The following CD302 variants were observed in gnomAD, a reference collection of about 807,000 sequenced individuals.
CD302 encodes CD302 molecule, also known as CD302 antigen.
A neutral mutation model predicts 26.5 loss-of-function variants in CD302; 23 were observed. The observed-to-expected ratio is 0.87, with a 90% CI of 0.62 to 1.23. The LOEUF (loss-of-function observed/expected upper bound fraction) is 1.23, where lower values mean the gene tolerates loss of function less well. CD302 is among the 50% of genes most tolerant of loss of function. The pLI is 0.00. For missense variants in CD302, 290 were observed against 275.5 expected (o/e 1.05, Z -0.37); for synonymous variants, 90 against 99.4 (o/e 0.91, Z 0.56).
At chr2:159,781,084 T>C in intron 2 of CD302, 86 bp from the exon 3 acceptor site, 1 of 1,064,736 alleles carries the variant, frequency 9.4e-7, no homozygotes, top group Non-Finnish European at 1.3e-6. Flanking sequence ...AAATAGTTGC[T>C]TAACTTTCTA....
At position 159,768,673 on chromosome 2, in the gene CD302, AATAAT is replaced by A. The variant is rs900516667; in HGVS notation, c.*3173_*3177del. Reference sequence around the variant, plus strand: ...TACAATTTCAAATCTCATTTTAAGCAATAATATAAATGTTCTAAAACATTTGCTCA... The same window carrying A: ...TACAATTTCAAATCTCATTTTAAGCAATAAATGTTCTAAAACATTTGCTCA... On this transcript the variant is annotated 3_prime_UTR_variant, in exon 6 of 6. Transcript: ENST00000259053. 75 of 152,754 alleles carry A rather than the reference AATAAT, an allele frequency of 4.9e-4. No homozygotes were observed. The highest frequency in any genetic ancestry group is 1.8e-3 in the African/African-American group (73 of 41,588). 9.5% of individuals were successfully genotyped at this position (152,754 alleles called of 1,614,324 possible).
intron 4 of CD302, 122 bp from the exon 5 acceptor site, chr2:159,778,086 C>T (rs1708393683): frequency 2.9e-6 from 1 of 350,664 alleles, no homozygotes. Flanking sequence ...TCAATATATT[C>T]ATAGCCTAAA....
intron 2 of CD302, among the ~76,000 whole-genome samples, chr2:159,782,003 A>T (rs2125803028): frequency 6.6e-6 from 1 of 152,140 alleles, no homozygotes; most frequent in South Asian, 2.1e-4. Context: ...ATGGTGGCTC[A>T]CACCTGTAAT....
Position 159,770,816 on chromosome 2 carries a change from T to TAA in CD302, c.*1033_*1034dup, listed in dbSNP as rs750142128. The TAA allele has an allele frequency of 8.5e-5, 13 of 152,314 alleles. No homozygotes were observed. Among genetic ancestry groups the TAA allele is most frequent in the Non-Finnish European group, 1.6e-4 (11 of 68,014 alleles). The allele number at this position is 152,314 out of a possible 1,614,324, so 9.4% of individuals were successfully genotyped here. A position where few individuals can be genotyped will look rare whatever the true frequency, so the allele number is the denominator to read the frequency against. On this transcript the variant is annotated 3_prime_UTR_variant, in exon 6 of 6. Transcript: ENST00000259053. ...AAGCTGATTTTCACACAAGATTCCC[T>TAA]AACTATGCATTTCTTAGAACGTATC... is the stretch of plus-strand genomic sequence containing the variant.
intron 1 of CD302, among the ~76,000 whole-genome samples, chr2:159,797,562 C>T (rs1682492899): frequency 6.6e-6 from 1 of 152,208 alleles, no homozygotes; most frequent in South Asian, 2.1e-4. Context: ...GAAATCCAAG[C>T]TTTGCCTATT....
chr2:159,794,703 C>T (rs1415159020), intron 1 of CD302, among the ~76,000 whole-genome samples: 3 of 151,312 alleles, frequency 2.0e-5, no homozygotes, highest in Non-Finnish European at 4.4e-5. Flanking sequence ...TGCCTGCCAC[C>T]ACGCCCGGCT....
At position 159,769,707 on chromosome 2, in the gene CD302, T is replaced by C. The variant is rs924054589; in HGVS notation, c.*2144A>G. Reference sequence around the variant, plus strand: ...TGGCCTGTTGAAAAATGAAACCAAATATTGAAAATTAAATCAGAGTTTAAA... The same window carrying C: ...TGGCCTGTTGAAAAATGAAACCAAACATTGAAAATTAAATCAGAGTTTAAA... On this transcript the variant is annotated 3_prime_UTR_variant, in exon 6 of 6. Transcript: ENST00000259053. The C allele has an allele frequency of 6.6e-6, 1 of 152,066 alleles. No individual in the cohort carries two copies. Among genetic ancestry groups the C allele is most frequent in the South Asian group, 2.1e-4 (1 of 4,830 alleles). The allele number at this position is 152,066 out of a possible 1,614,324, so 9.4% of individuals were successfully genotyped here.
rs775607628 is a variant in CD302, at chr2:159,791,983, C to A, written c.67+6149G>T. Among the ~76,000 whole-genome samples, 4 of 152,126 alleles carry A rather than the reference C, an allele frequency of 2.6e-5. No homozygotes were observed. In the South Asian group the frequency reaches 8.3e-4, roughly 32 times the overall value. ...GGTCTATTGCTATGTAAAAAATTAGCAGCTTAAAACAAGAAACACTTATTA... is the reference window on the plus strand; with the variant it reads ...GGTCTATTGCTATGTAAAAAATTAGAAGCTTAAAACAAGAAACACTTATTA... On this transcript the variant is annotated intron_variant, in intron 1 of 5. Coordinates refer to ENST00000259053, the MANE Select transcript of CD302 (RefSeq NM_014880.5).
In CD302 at chr2:159,794,705, C is replaced by T. The variant is rs987044954; in HGVS notation, c.67+3427G>A. Among the ~76,000 whole-genome samples the T allele has an allele frequency of 8.6e-5, 13 of 151,276 alleles. No individual in the cohort carries two copies. In the South Asian group the frequency reaches 1.9e-3, roughly 22 times the overall value. ...CTGGGACCACAGGTGCCTGCCACCACGCCCGGCTAATTTTTTGTATTTTTA... is the reference window on the plus strand; with the variant it reads ...CTGGGACCACAGGTGCCTGCCACCATGCCCGGCTAATTTTTTGTATTTTTA... On this transcript the variant is annotated intron_variant, in intron 1 of 5. Coordinates refer to ENST00000259053, the MANE Select transcript of CD302 (RefSeq NM_014880.5).
At chr2:159,772,542 G>A (rs1029901706) in intron 5 of CD302, among the ~76,000 whole-genome samples, 3 of 152,010 alleles carry the variant, frequency 2.0e-5, no homozygotes, top group Non-Finnish European at 4.4e-5. Context: ...CATTCTTTGT[G>A]TGTTTCCCTA....
chr2:159,797,761 T>C (rs972444239), intron 1 of CD302, among the ~76,000 whole-genome samples: 3 of 152,126 alleles, frequency 2.0e-5, no homozygotes, highest in Non-Finnish European at 4.4e-5. Context: ...ACGTCCCCGC[T>C]TCTCATTTCA....
At chr2:159,795,343 T>C (rs1198966509) in intron 1 of CD302, among the ~76,000 whole-genome samples, 1 of 152,158 alleles carries the variant, frequency 6.6e-6, no homozygotes, top group African/African-American at 2.4e-5. Flanking sequence ...AAAATTGCAA[T>C]CCACTTATCC....
At chr2:159,780,827 G>T in intron 3 of CD302, 55 bp downstream of exon 3, 1 of 1,497,180 alleles carries the variant, frequency 6.7e-7, no homozygotes, top group Non-Finnish European at 9.2e-7. Context: ...CATCAGTTTT[G>T]CTACATTAAA....
At chr2:159,792,981 T>C (rs911347645) in intron 1 of CD302, among the ~76,000 whole-genome samples, 1 of 152,210 alleles carries the variant, frequency 6.6e-6, no homozygotes, top group Non-Finnish European at 1.5e-5. Flanking sequence ...AGTGCTCAAA[T>C]AGAGGCTGGA....
intron 1 of CD302, 29 bp from the exon 2 acceptor site, chr2:159,783,498 A>G: frequency 6.6e-7 from 1 of 1,524,872 alleles, no homozygotes; most frequent in Non-Finnish European, 8.9e-7. Flanking sequence ...AACACTGTTA[A>G]ATAACTTGAG....
intron 2 of CD302, among the ~76,000 whole-genome samples, chr2:159,782,612 C>A (rs539839597): frequency 6.6e-6 from 1 of 151,116 alleles, no homozygotes; most frequent in Non-Finnish European, 1.5e-5. Context: ...GTAGTCCTGT[C>A]TATTCAGGGG....
At chr2:159,778,001 T>C (rs765989196) in intron 4 of CD302, 37 bp from the exon 5 acceptor site, 45 of 828,964 alleles carry the variant, frequency 5.4e-5, no homozygotes, top group Non-Finnish European at 7.7e-5. Flanking sequence ...AGAATTTAAT[T>C]ATGCTTTATT....
intron 1 of CD302, among the ~76,000 whole-genome samples, chr2:159,792,660 C>T (rs551816703): frequency 5.3e-5 from 8 of 152,150 alleles, no homozygotes; most frequent in Non-Finnish European, 1.0e-4. Flanking sequence ...GGACAACTTA[C>T]GATTTTTTGA....
intron 1 of CD302, among the ~76,000 whole-genome samples, chr2:159,786,965 A>G (rs1288809383): frequency 1.3e-5 from 2 of 152,210 alleles, no homozygotes; most frequent in Non-Finnish European, 2.9e-5. Flanking sequence ...TAGTTATGGA[A>G]TCATACATTG....
Sources: allele counts gnomAD v4.1 joint callset (sites outside exome capture counted in the v4.1 genomes callset), GRCh38; gene constraint gnomAD v4.1.1; transcripts MANE v1.5; gene names NCBI Gene and HGNC (gene_info 2026-07-23, HGNC 2026-07-21).